RAB6B: variants seen among roughly 807,000 people sequenced by gnomAD.
The protein encoded by RAB6B is RAB6B, member RAS oncogene family.
RAB6B carries 7 observed loss-of-function variants against 31.2 expected under a neutral mutation model. That is an observed-to-expected ratio of 0.22 (90% CI 0.13 to 0.42). The LOEUF (loss-of-function observed/expected upper bound fraction) is 0.42. Ranked by LOEUF, RAB6B falls within the 10% of genes least tolerant of loss-of-function variation. The pLI is 1.00. For synonymous variants in RAB6B, 105 were observed against 104.9 expected, an observed-to-expected ratio of 1.00 and a Z score of -0.01; for missense variants, 149 against 280.6, an observed-to-expected ratio of 0.53 and a Z score of 3.35.
At chr3:133,862,863 T>C (rs1309012677) in intron 2 of RAB6B, among the ~76,000 whole-genome samples, 3 of 152,170 alleles carry the variant, frequency 2.0e-5, no homozygotes, top group Admixed American at 1.3e-4. Context: ...AGTCTCACTG[T>C]TTTCAATGGG....
At chr3:133,830,946 C>T (rs1429671095) in intron 7 of RAB6B, among the ~76,000 whole-genome samples, 2 of 152,202 alleles carry the variant, frequency 1.3e-5, no homozygotes, top group South Asian at 2.1e-4. Flanking sequence ...TGAGCCAAAA[C>T]GTCTGAAGAC....
At position 133,853,013 on chromosome 3, in the gene RAB6B, A is replaced by C. The variant is rs140322455; in HGVS notation, c.130-11350T>G. Among the ~76,000 whole-genome samples the C allele has an allele frequency of 6.5e-3, 985 of 152,178 alleles. 13 individuals are homozygous for C. The highest frequency in any genetic ancestry group is 0.023 in the African/African-American group (942 of 41,514). On this transcript the variant is annotated intron_variant, in intron 2 of 7. Transcript: ENST00000285208. ...CTACCCTCTTTTCCTTTCCGATGCTAGTTTTTCCTCCTCTGCATCTGTAGT... is the reference window on the plus strand; with the variant it reads ...CTACCCTCTTTTCCTTTCCGATGCTCGTTTTTCCTCCTCTGCATCTGTAGT...
intron 2 of RAB6B, among the ~76,000 whole-genome samples, chr3:133,849,693 C>G (rs1935951505): frequency 6.6e-6 from 1 of 152,222 alleles, no homozygotes. Context: ...ATTTCTGAAC[C>G]TGTCATGCAC....
Position 133,828,332 on chromosome 3 carries a change from T to G in RAB6B, c.*456A>C. ...TAATTTGCTCAGTTAATTGTTTTAATTTATTGGGCTGGGGATAGGAGGAAG... is the reference window on the plus strand; with the variant it reads ...TAATTTGCTCAGTTAATTGTTTTAAGTTATTGGGCTGGGGATAGGAGGAAG... On this transcript the variant is annotated 3_prime_UTR_variant, in exon 8 of 8. Coordinates refer to ENST00000285208, the MANE Select transcript of RAB6B (RefSeq NM_016577.4). 1 of 352,812 alleles carries G rather than the reference T, an allele frequency of 2.8e-6. No homozygotes were observed. Among genetic ancestry groups the G allele is most frequent in the Non-Finnish European group, 5.1e-6 (1 of 194,660 alleles). The allele number at this position is 352,812 out of a possible 1,614,324, so 21.9% of individuals were successfully genotyped here.
chr3:133,828,584 AGTT>A lies in RAB6B; in HGVS notation c.*201_*203del, dbSNP rs1176143657. ...ATATATTACAACCAAACCAAAAAAT[AGTT>A]GTTTAAGTAACAGCCGTTAAGAGTG... On this transcript the variant is annotated 3_prime_UTR_variant, in exon 8 of 8. Transcript: ENST00000285208. The A allele has an allele frequency of 3.1e-6, 2 of 645,310 alleles. No individual in the cohort carries two copies. Among genetic ancestry groups the A allele is most frequent in the Admixed American group, 5.3e-5 (2 of 37,680 alleles). 40.0% of individuals were successfully genotyped at this position (645,310 alleles called of 1,614,324 possible). A position where few individuals can be genotyped will look rare whatever the true frequency, so the allele number is the denominator to read the frequency against.
chr3:133,860,336 G>T (rs1936142037), intron 2 of RAB6B, among the ~76,000 whole-genome samples: 2 of 152,166 alleles, frequency 1.3e-5, no homozygotes, highest in African/African-American at 4.8e-5. Context: ...CAGAGAGACA[G>T]GAGGCCTGCT....
chr3:133,840,410 T>C (rs1210580703), intron 4 of RAB6B, among the ~76,000 whole-genome samples: 1 of 152,214 alleles, frequency 6.6e-6, no homozygotes, highest in Non-Finnish European at 1.5e-5. Flanking sequence ...TCCCTTCTGA[T>C]GTGCCTCAGG....
chr3:133,852,114 T>C (rs1217464144), intron 2 of RAB6B, among the ~76,000 whole-genome samples: 1 of 152,226 alleles, frequency 6.6e-6, no homozygotes, highest in African/African-American at 2.4e-5. Flanking sequence ...CAATACAAGA[T>C]TGCCAAGCAT....
intron 1 of RAB6B, among the ~76,000 whole-genome samples, chr3:133,889,122 T>C (rs1936594026): frequency 6.6e-6 from 1 of 152,040 alleles, no homozygotes; most frequent in Non-Finnish European, 1.5e-5. Flanking sequence ...TCCCCAGTGG[T>C]TCTGTCCAAT....
At chr3:133,838,484 C>A (rs1935775212) in intron 5 of RAB6B, among the ~76,000 whole-genome samples, 1 of 152,224 alleles carries the variant, frequency 6.6e-6, no homozygotes, top group African/African-American at 2.4e-5. Context: ...CCCACTCCTT[C>A]CTTTGTGTCT....
chr3:133,844,349 G>C (rs1035000482), intron 2 of RAB6B, among the ~76,000 whole-genome samples: 2 of 152,130 alleles, frequency 1.3e-5, no homozygotes, highest in Admixed American at 6.5e-5. Flanking sequence ...TTCCCCAACA[G>C]AGAAACCTCT....
chr3:133,870,311 C>T (rs1374403063), intron 1 of RAB6B, among the ~76,000 whole-genome samples: 1 of 152,138 alleles, frequency 6.6e-6, no homozygotes, highest in East Asian at 1.9e-4. Context: ...GGGGAAACCG[C>T]CCCCATGATC....
chr3:133,875,756 T>C (rs1311830807), intron 1 of RAB6B, among the ~76,000 whole-genome samples: 1 of 152,068 alleles, frequency 6.6e-6, no homozygotes, highest in Admixed American at 6.5e-5. Flanking sequence ...ACAATCCATT[T>C]CCCTACCTGC....
rs1457312723 is a variant in RAB6B at position 133,828,019 on chromosome 3, C to A, written c.*769G>T. Reference sequence around the variant, plus strand: ...TCTGATGGCCTCTTGCTCTGCCAGTCCCTGAGGGCACAGAGAACACAAGGT... The same window carrying A: ...TCTGATGGCCTCTTGCTCTGCCAGTACCTGAGGGCACAGAGAACACAAGGT... On this transcript the variant is annotated 3_prime_UTR_variant, in exon 8 of 8. Transcript: ENST00000285208. 5.7e-6 allele frequency: 4 copies of A among 702,498 alleles called. No homozygotes were observed. Among genetic ancestry groups the A allele is most frequent in the Non-Finnish European group, 1.0e-5 (4 of 384,880 alleles). 43.5% of individuals were successfully genotyped at this position (702,498 alleles called of 1,614,324 possible). A position where few individuals can be genotyped will look rare whatever the true frequency, so the allele number is the denominator to read the frequency against.
chr3:133,892,783 G>A (rs974615261), intron 1 of RAB6B, among the ~76,000 whole-genome samples: 11 of 152,340 alleles, frequency 7.2e-5, no homozygotes, highest in East Asian at 3.9e-4. Context: ...CAGGGCCAGC[G>A]TGAGGGCCAG....
chr3:133,843,038 G>A (rs963651769), intron 2 of RAB6B, among the ~76,000 whole-genome samples: 3 of 152,256 alleles, frequency 2.0e-5, no homozygotes, highest in South Asian at 2.1e-4. Context: ...GTGCACAAGT[G>A]TGCATGTTTA....
chr3:133,866,862 A>G (rs1332535542), intron 1 of RAB6B, among the ~76,000 whole-genome samples: 3 of 152,260 alleles, frequency 2.0e-5, no homozygotes, highest in African/African-American at 7.2e-5. Context: ...GAGGCATCCC[A>G]GGGCACGCTG....
At position 133,828,390 on chromosome 3, in the gene RAB6B, AAGG is replaced by A; in HGVS notation, c.*395_*397del. The A allele has an allele frequency of 2.8e-6, 1 of 355,524 alleles. No individual in the cohort carries two copies. The allele number at this position is 355,524 out of a possible 1,614,324, so 22.0% of individuals were successfully genotyped here. ...TGATGAATGGTTCAAAGAGAACAGG[AAGG>A]AGGAGGTGTGTGGAAAAGGTTCTCT... On this transcript the variant is annotated 3_prime_UTR_variant, in exon 8 of 8. Transcript: ENST00000285208.
In RAB6B at chr3:133,870,986, G is replaced by C. The variant is rs564431576; in HGVS notation, c.71-6344C>G. On this transcript the variant is annotated intron_variant, in intron 1 of 7. Transcript: ENST00000285208. ...GCCTACCTGGACCTCACCAACAGGG[G>C]CCATTCACTCCACCAGTGCCCCATG... 3.9e-5 allele frequency among the ~76,000 whole-genome samples: 6 copies of C among 152,336 alleles called. No homozygotes were observed. In the South Asian group the frequency reaches 6.2e-4, roughly 16 times the overall value.
Sources: allele counts gnomAD v4.1 joint callset (sites outside exome capture counted in the v4.1 genomes callset), GRCh38; gene constraint gnomAD v4.1.1; transcripts MANE v1.5; gene names NCBI Gene and HGNC (gene_info 2026-07-23, HGNC 2026-07-21).